The following MUCL1 variants were observed in gnomAD, a reference collection of about 807,000 sequenced individuals.
The protein encoded by MUCL1 is mucin like 1, also known as mucin-like protein 1.
MUCL1 carries 11 observed loss-of-function variants against 9.2 expected under a neutral mutation model. The ratio of observed to expected loss-of-function variants is 1.19; its 90% CI spans 0.75 to 1.97. The LOEUF is 1.97. Ranked by LOEUF, MUCL1 falls within the 30% of genes most tolerant of loss-of-function variation. The probability of loss-of-function intolerance (pLI) is 0.00; values close to 1 mark genes in which losing one functional copy is unlikely to be tolerated. For synonymous variants in MUCL1, 48 were observed against 40.5 expected (o/e 1.19, Z -0.71); for missense variants, 144 against 110.9 (o/e 1.30, Z -1.34).
chr12:54,832,287 T>C (rs958289389), intron 1 of MUCL1, among the ~76,000 whole-genome samples: 5 of 152,114 alleles, frequency 3.3e-5, no homozygotes. Context: ...TTTCTTTCTG[T>C]TAAAAAGACA....
At chr12:54,853,583 T>G (rs11171131), upstream of MUCL1, among the ~76,000 whole-genome samples, 1 of 152,326 alleles carries the variant, frequency 6.6e-6, no homozygotes, top group East Asian at 1.9e-4. Context: ...TATCACCTAT[T>G]CAGTAATGCC....
At chr12:54,856,301 G>C (rs1868298734) in intron 2 of MUCL1, among the ~76,000 whole-genome samples, 1 of 152,072 alleles carries the variant, frequency 6.6e-6, no homozygotes. Context: ...TCTAAGATGA[G>C]ATACGTCTTC....
At chr12:54,853,129 T>C (rs373089518), upstream of MUCL1, among the ~76,000 whole-genome samples, 2 of 152,170 alleles carry the variant, frequency 1.3e-5, no homozygotes, top group East Asian at 1.9e-4. Context: ...GAGAAATAGA[T>C]GTTCAGTGCT....
intron 1 of MUCL1, among the ~76,000 whole-genome samples, chr12:54,843,153 T>A (rs970818): frequency 6.6e-6 from 1 of 152,140 alleles, no homozygotes; most frequent in East Asian, 1.9e-4. Flanking sequence ...CACCTAATGA[T>A]GTATTTCTCA....
chr12:54,842,846 T>C (rs934635403), intron 1 of MUCL1, among the ~76,000 whole-genome samples: 2 of 152,140 alleles, frequency 1.3e-5, no homozygotes, highest in African/African-American at 4.8e-5. Flanking sequence ...CAATATACAG[T>C]CATGCACCAT....
At chr12:54,851,269 C>G (rs1449027522), upstream of MUCL1, among the ~76,000 whole-genome samples, 1 of 152,092 alleles carries the variant, frequency 6.6e-6, no homozygotes, top group Non-Finnish European at 1.5e-5. Flanking sequence ...CCTAGGTTTT[C>G]TTCTAGGATT....
chr12:54,847,232 A>T (rs1047044089), intron 1 of MUCL1, among the ~76,000 whole-genome samples: 1 of 152,140 alleles, frequency 6.6e-6, no homozygotes, highest in African/African-American at 2.4e-5. Context: ...TCTTCTAAGT[A>T]TTGTGAAATA....
At chr12:54,838,509 C>T (rs552429015), upstream of MUCL1, among the ~76,000 whole-genome samples, 6 of 152,302 alleles carry the variant, frequency 3.9e-5, no homozygotes, top group African/African-American at 1.4e-4. Flanking sequence ...CTCAATTATT[C>T]TCTCAAATAA....
At chr12:54,831,768 A>T (rs1444958764) in intron 1 of MUCL1, among the ~76,000 whole-genome samples, 4 of 152,120 alleles carry the variant, frequency 2.6e-5, no homozygotes, top group Admixed American at 2.0e-4. Flanking sequence ...TTTTTGTCAC[A>T]TTGAAAAATT....
chr12:54,856,400 C>T (rs536191220), intron 2 of MUCL1, among the ~76,000 whole-genome samples: 1 of 152,280 alleles, frequency 6.6e-6, no homozygotes, highest in South Asian at 2.1e-4. Flanking sequence ...TTAGGTTATT[C>T]TGTGGGACGG....
intron 1 of MUCL1, among the ~76,000 whole-genome samples, chr12:54,848,705 G>A (rs1473581656): frequency 1.3e-5 from 2 of 152,130 alleles, no homozygotes; most frequent in Non-Finnish European, 2.9e-5. Context: ...GGAAATGCAA[G>A]TTAACATAAC....
chr12:54,831,352 G>T (rs1363393415), intron 1 of MUCL1, among the ~76,000 whole-genome samples: 1 of 152,108 alleles, frequency 6.6e-6, no homozygotes, highest in East Asian at 1.9e-4. Context: ...TCAAGTTCAT[G>T]TGACTTGGGT....
chr12:54,854,713 C>A, intron 1 of MUCL1, 73 bp downstream of exon 1: 4 of 1,349,788 alleles, frequency 3.0e-6, no homozygotes, highest in South Asian at 1.2e-5. Context: ...AAGATGTGGG[C>A]TTATGGTTGC....
chr12:54,834,780 A>C (rs1959190189), upstream of MUCL1, among the ~76,000 whole-genome samples: 1 of 152,034 alleles, frequency 6.6e-6, no homozygotes, highest in Non-Finnish European at 1.5e-5. Context: ...TGGGGGTAAA[A>C]GTGGTTTTTG....
chr12:54,841,830 T>G (rs1483473292), intron 1 of MUCL1, among the ~76,000 whole-genome samples: 2 of 152,222 alleles, frequency 1.3e-5, no homozygotes, highest in Non-Finnish European at 2.9e-5. Flanking sequence ...GTCCCATTTA[T>G]TTTTGCTTTT....
rs766274450 is a variant in MUCL1, at chr12:54,858,206, G to T, written c.237G>T (p.Trp79Cys). The T allele has an allele frequency of 1.2e-6, 2 of 1,613,384 alleles. No homozygotes were observed. Among genetic ancestry groups the T allele is most frequent in the Non-Finnish European group, 1.7e-6 (2 of 1,179,530 alleles). ...ARKDIPVLPK[W>C]VGDLPNGRVC... The stretch of plus-strand genomic sequence containing the variant: ...TTTCTCTTGCAGTTTTACCCAAATG[G>T]GTTGGGGATCTCCCGAATGGTAGAG... The change falls in exon 4 of 4, where the codon TGG (tryptophan) becomes TGT (cysteine). Residue 79 changes from tryptophan (W) to cysteine (C), a missense_variant. By Grantham distance (215) the Trp-to-Cys change is radical (BLOSUM62 -2). Transcript: ENST00000308796.
upstream of MUCL1, among the ~76,000 whole-genome samples, chr12:54,836,843 A>C (rs1327947543): frequency 6.6e-6 from 1 of 152,202 alleles, no homozygotes; most frequent in South Asian, 2.1e-4. Flanking sequence ...GTTAACCTCA[A>C]AATCATTCAG....
upstream of MUCL1, among the ~76,000 whole-genome samples, chr12:54,835,257 T>C (rs1214578309): frequency 2.6e-5 from 4 of 152,178 alleles, no homozygotes; most frequent in Non-Finnish European, 5.9e-5. Context: ...CTTATTTTCC[T>C]TTAGGTAGAT....
At chr12:54,831,355 A>T (rs1442763552) in intron 1 of MUCL1, among the ~76,000 whole-genome samples, 1 of 152,120 alleles carries the variant, frequency 6.6e-6, no homozygotes, top group African/African-American at 2.4e-5. Context: ...AGTTCATGTG[A>T]CTTGGGTAAG....
Sources: gnomAD v4.1 joint callset for allele counts (sites outside exome capture counted in the v4.1 genomes callset) on GRCh38, gnomAD v4.1.1 for gene constraint, MANE v1.5 for transcripts, NCBI Gene and HGNC (gene_info 2026-07-23, HGNC 2026-07-21) for gene names.